The following POU6F2 variants were observed in gnomAD, a reference collection of about 807,000 sequenced individuals.
POU6F2 encodes the protein POU class 6 homeobox 2.
POU6F2 carries 31 observed loss-of-function variants against 71.3 expected under a neutral mutation model. That is an observed-to-expected ratio of 0.43 (90% confidence interval 0.33 to 0.59). The LOEUF (loss-of-function observed/expected upper bound fraction) is 0.59, where lower values mean the gene tolerates loss of function less well. Ranked by LOEUF, POU6F2 falls within the 20% of genes least tolerant of loss-of-function variation. POU6F2 has a pLI of 0.04. For missense variants in POU6F2, 783 were observed against 856.8 expected (o/e 0.91, Z 1.07); for synonymous variants, 347 against 355.7 (o/e 0.98, Z 0.27).
chr7:39,042,882 T>C (rs1024126040), intron 1 of POU6F2, among the ~76,000 whole-genome samples: 1 of 151,948 alleles, frequency 6.6e-6, no homozygotes, highest in Non-Finnish European at 1.5e-5. Context: ...AGAATAGAAA[T>C]CTTCTCCTTT....
intron 1 of POU6F2, among the ~76,000 whole-genome samples, chr7:39,073,087 CACA>C (rs1790918397): frequency 2.0e-5 from 3 of 152,108 alleles, no homozygotes; most frequent in African/African-American, 7.2e-5. Context: ...TTGTCCCTAG[CACA>C]ACACCTGGTA....
chr7:39,337,881 A>G (rs1785812844), intron 4 of POU6F2, among the ~76,000 whole-genome samples: 1 of 152,222 alleles, frequency 6.6e-6, no homozygotes, highest in Non-Finnish European at 1.5e-5. Flanking sequence ...ATATGAACTT[A>G]CGGATATGGA....
intron 2 of POU6F2, among the ~76,000 whole-genome samples, chr7:39,156,269 A>G (rs1332938597): frequency 6.6e-6 from 1 of 152,188 alleles, no homozygotes; most frequent in Admixed American, 6.5e-5. Context: ...ACAGACCCCC[A>G]TTAGATCATT....
intron 1 of POU6F2, among the ~76,000 whole-genome samples, chr7:39,035,180 G>A (rs778036847): frequency 6.6e-6 from 1 of 151,826 alleles, no homozygotes; most frequent in Non-Finnish European, 1.5e-5. Context: ...TTTATTATTT[G>A]CAAAGCTAGA....
At chr7:39,083,169 G>A (rs1405369055) in intron 1 of POU6F2, among the ~76,000 whole-genome samples, 2 of 152,084 alleles carry the variant, frequency 1.3e-5, no homozygotes, top group Non-Finnish European at 2.9e-5. Flanking sequence ...TCACAAATAA[G>A]GCAAGAGTAG....
intron 4 of POU6F2, among the ~76,000 whole-genome samples, chr7:39,327,157 T>C (rs1199345333): frequency 6.6e-6 from 1 of 151,846 alleles, no homozygotes; most frequent in East Asian, 1.9e-4. Context: ...CGGGCGCCTG[T>C]AGTCCCAGCT....
chr7:39,229,711 T>C (rs1004433619), intron 4 of POU6F2, among the ~76,000 whole-genome samples: 1 of 152,240 alleles, frequency 6.6e-6, no homozygotes. Flanking sequence ...TCCATTCACA[T>C]GGAAAGTGTG....
At chr7:39,153,682 A>G (rs1792804799) in intron 2 of POU6F2, among the ~76,000 whole-genome samples, 1 of 152,206 alleles carries the variant, frequency 6.6e-6, no homozygotes, top group African/African-American at 2.4e-5. Flanking sequence ...CAGCCCAGAT[A>G]AAGTCGTGGT....
At chr7:39,447,416 GCA>G (rs145437079) in intron 7 of POU6F2, among the ~76,000 whole-genome samples, 533 of 152,246 alleles carry the variant, frequency 3.5e-3, no homozygotes, top group African/African-American at 0.012. Context: ...AGGCAGCGGG[GCA>G]TAGTGGAAGG....
chr7:39,059,531 G>T (rs936291580), intron 1 of POU6F2, among the ~76,000 whole-genome samples: 2 of 146,356 alleles, frequency 1.4e-5, no homozygotes, highest in Non-Finnish European at 3.0e-5. Context: ...AAAATAACAA[G>T]TGCTAGCAAG....
intron 1 of POU6F2, among the ~76,000 whole-genome samples, chr7:39,020,999 G>A (rs978583795): frequency 6.6e-6 from 1 of 151,356 alleles, no homozygotes; most frequent in Non-Finnish European, 1.5e-5. Context: ...GTCTCTGGCT[G>A]GGTTTTGTTT....
At chr7:39,129,406 G>A (rs1321001635) in intron 2 of POU6F2, among the ~76,000 whole-genome samples, 1 of 152,138 alleles carries the variant, frequency 6.6e-6, no homozygotes, top group African/African-American at 2.4e-5. Flanking sequence ...ACATTGTTAT[G>A]TAGGAAAACC....
At chr7:39,195,071 C>G (rs1466915410) in intron 2 of POU6F2, among the ~76,000 whole-genome samples, 2 of 152,230 alleles carry the variant, frequency 1.3e-5, no homozygotes, top group Non-Finnish European at 2.9e-5. Flanking sequence ...GGAACCAATT[C>G]TGGACACAGT....
chr7:39,074,484 C>CAA (rs554248472), intron 1 of POU6F2, among the ~76,000 whole-genome samples: 33 of 145,338 alleles, frequency 2.3e-4, no homozygotes, highest in African/African-American at 8.3e-4. Context: ...GTCCCCCCCT[C>CAA]AAAAAAAAAA....
intron 4 of POU6F2, among the ~76,000 whole-genome samples, chr7:39,304,020 T>G (rs1387281851): frequency 6.6e-6 from 1 of 152,190 alleles, no homozygotes; most frequent in Non-Finnish European, 1.5e-5. Flanking sequence ...GCACCAACAC[T>G]TTCAGTGATT....
intron 1 of POU6F2, among the ~76,000 whole-genome samples, chr7:39,021,353 C>A (rs1484880549): frequency 6.6e-6 from 1 of 151,838 alleles, no homozygotes; most frequent in East Asian, 1.9e-4. Flanking sequence ...ATTTTTGTAG[C>A]AAACATACTT....
intron 2 of POU6F2, among the ~76,000 whole-genome samples, chr7:39,138,375 C>A (rs1014955720): frequency 1.3e-5 from 2 of 152,190 alleles, no homozygotes; most frequent in Non-Finnish European, 2.9e-5. Flanking sequence ...AGCAACCAGG[C>A]CTCACAGCAG....
intron 5 of POU6F2, among the ~76,000 whole-genome samples, chr7:39,374,079 T>C (rs942769839): frequency 3.9e-5 from 6 of 152,184 alleles, no homozygotes; most frequent in African/African-American, 1.2e-4. Context: ...CCTGTAAATA[T>C]TGGGGCAAAG....
intron 1 of POU6F2, among the ~76,000 whole-genome samples, chr7:39,056,286 T>A (rs974465264): frequency 1.3e-5 from 2 of 152,100 alleles, no homozygotes; most frequent in African/African-American, 2.4e-5. Flanking sequence ...ATTTTTTAAA[T>A]TTTTCCCTCT....
Sources: gnomAD v4.1 joint callset for allele counts (sites outside exome capture counted in the v4.1 genomes callset) on GRCh38, gnomAD v4.1.1 for gene constraint, MANE v1.5 for transcripts, NCBI Gene and HGNC (gene_info 2026-07-23, HGNC 2026-07-21) for gene names.